Variants in TMEM132C observed in about 807,000 individuals in gnomAD.
TMEM132C encodes the protein transmembrane protein 132C.
TMEM132C carries 29 observed loss-of-function variants against 61.4 expected under a neutral mutation model. The observed-to-expected ratio is 0.47, with a 90% CI of 0.35 to 0.64. The LOEUF is 0.64. TMEM132C is among the 30% of genes least tolerant of loss of function. The pLI, the probability that TMEM132C is intolerant of heterozygous loss-of-function variation, is 0.00. For synonymous variants in TMEM132C, 656 were observed against 633.1 expected (o/e 1.04, Z -0.54); for missense variants, 1,408 against 1,476.9 (o/e 0.95, Z 0.76).
chr12:128,589,729 G>A (rs902194693), intron 3 of TMEM132C, among the ~76,000 whole-genome samples: 1 of 152,038 alleles, frequency 6.6e-6, no homozygotes, highest in Admixed American at 6.5e-5. Flanking sequence ...CCTGAAAGAG[G>A]CTGGATTGGA....
At chr12:128,670,315 T>C (rs1954519451) in intron 5 of TMEM132C, among the ~76,000 whole-genome samples, 1 of 151,932 alleles carries the variant, frequency 6.6e-6, no homozygotes, top group Non-Finnish European at 1.5e-5. Context: ...TCTCAAATAA[T>C]ATATATATAT....
intron 2 of TMEM132C, among the ~76,000 whole-genome samples, chr12:128,501,375 C>T (rs771464124): frequency 6.6e-6 from 1 of 152,210 alleles, no homozygotes; most frequent in Non-Finnish European, 1.5e-5. Context: ...CTTTCTTTCT[C>T]TTCTGCCATC....
At chr12:128,593,205 TTTTC>T (rs994014087) in intron 3 of TMEM132C, among the ~76,000 whole-genome samples, 11 of 148,862 alleles carry the variant, frequency 7.4e-5, no homozygotes, top group Non-Finnish European at 1.0e-4. Flanking sequence ...TCCTTCTTTC[TTTTC>T]TTTCTTTCTT....
At chr12:128,412,255 A>G (rs1868584099) in intron 1 of TMEM132C, among the ~76,000 whole-genome samples, 2 of 152,102 alleles carry the variant, frequency 1.3e-5, no homozygotes, top group South Asian at 2.1e-4. Flanking sequence ...CATGATTCCA[A>G]AGGTCAGAAC....
chr12:128,522,396 C>T (rs1017880015), intron 2 of TMEM132C, among the ~76,000 whole-genome samples: 2 of 152,192 alleles, frequency 1.3e-5, no homozygotes, highest in African/African-American at 4.8e-5. Flanking sequence ...ATTGCTAGCC[C>T]GGCACTCTGC....
intron 1 of TMEM132C, among the ~76,000 whole-genome samples, chr12:128,324,890 G>A (rs1411552769): frequency 6.6e-6 from 1 of 152,126 alleles, no homozygotes; most frequent in Non-Finnish European, 1.5e-5. Context: ...CTTCAAGAAC[G>A]AGACATTAGT....
intron 3 of TMEM132C, among the ~76,000 whole-genome samples, chr12:128,580,793 C>T (rs1317019883): frequency 2.0e-5 from 3 of 152,178 alleles, no homozygotes; most frequent in African/African-American, 7.2e-5. Flanking sequence ...AGTGATATGA[C>T]TTACCCCACC....
chr12:128,634,791 T>C (rs1223087709), intron 4 of TMEM132C, among the ~76,000 whole-genome samples: 2 of 152,238 alleles, frequency 1.3e-5, no homozygotes, highest in East Asian at 3.8e-4. Flanking sequence ...TTTTAGGTTT[T>C]AGCACCAAAC....
chr12:128,368,392 C>T (rs1593027536), intron 1 of TMEM132C, among the ~76,000 whole-genome samples: 1 of 152,198 alleles, frequency 6.6e-6, no homozygotes, highest in East Asian at 1.9e-4. Context: ...CCGAAAAGGT[C>T]CAGTCAATCT....
chr12:128,455,410 G>A (rs924834492), intron 2 of TMEM132C, among the ~76,000 whole-genome samples: 1 of 152,228 alleles, frequency 6.6e-6, no homozygotes, highest in Non-Finnish European at 1.5e-5. Context: ...CTCAGGTTCA[G>A]GAGGGGAATA....
chr12:128,537,986 C>T (rs1873594690), intron 2 of TMEM132C, among the ~76,000 whole-genome samples: 1 of 152,072 alleles, frequency 6.6e-6, no homozygotes, highest in South Asian at 2.1e-4. Context: ...ACTCTGTTGC[C>T]CAGGCTGGAG....
rs1319858852 is a variant in TMEM132C at position 128,622,361 on chromosome 12, ATATATAT to A, written c.1305+6027_1305+6033del. On this transcript the variant is annotated intron_variant, in intron 4 of 8. Coordinates refer to ENST00000435159, the MANE Select transcript of TMEM132C (RefSeq NM_001136103.3). ...TTTGTCTCAAAAAAAAAAAAAAAAA[ATATATAT>A]ATATATATATATATATATATATATA... 6.6e-3 allele frequency among the ~76,000 whole-genome samples: 252 copies of A among 38,162 alleles called. 9 individuals are homozygous for A. Among genetic ancestry groups the A allele is most frequent in the African/African-American group, 0.019 (186 of 9,902 alleles). 25.0% of individuals were successfully genotyped at this position (38,162 alleles called of 152,430 possible).
In TMEM132C at chr12:128,620,620, A is replaced by G. The variant is rs555771439; in HGVS notation, c.1305+4285A>G. On this transcript the variant is annotated intron_variant, in intron 4 of 8. Coordinates refer to ENST00000435159, the MANE Select transcript of TMEM132C (RefSeq NM_001136103.3). ...CAGTAACCACTAATTTTGGCGGTGT[A>G]GGAAGAAGTTCTTTGCCCCCGGGAC... Among the ~76,000 whole-genome samples, 17 of 152,356 alleles carry G rather than the reference A, an allele frequency of 1.1e-4. No individual in the cohort carries two copies. The South Asian group carries it at 3.3e-3, about 30-fold the overall frequency.
rs535451740 is a variant in TMEM132C at position 128,279,144 on chromosome 12, A to C, written c.85+11657A>C. On this transcript the variant is annotated intron_variant, in intron 1 of 8. Transcript: ENST00000435159. ...GGAAGATCTAGTCCCAGGCAAAGGG[A>C]ATTTTGTTTTCTCTCTCACATATCT... Among the ~76,000 whole-genome samples, 12 of 152,066 alleles carry C rather than the reference A, an allele frequency of 7.9e-5. 1 individual carries two copies. In the South Asian group the frequency reaches 2.3e-3, roughly 29 times the overall value.
chr12:128,600,592 C>A (rs1043945462), intron 3 of TMEM132C, among the ~76,000 whole-genome samples: 4 of 152,188 alleles, frequency 2.6e-5, no homozygotes. Flanking sequence ...CTGGGCACCA[C>A]AGGGGGCATG....
chr12:128,693,279 G>A (rs182176382), intron 5 of TMEM132C, among the ~76,000 whole-genome samples: 365 of 152,310 alleles, frequency 2.4e-3, no homozygotes, highest in Admixed American at 3.3e-3. Context: ...GGTTGTGGGT[G>A]CAGCTTACTT....
intron 1 of TMEM132C, among the ~76,000 whole-genome samples, chr12:128,349,601 C>G (rs1330244542): frequency 1.3e-5 from 2 of 152,144 alleles, no homozygotes; most frequent in African/African-American, 2.4e-5. Flanking sequence ...TGTCAAATTG[C>G]CCCCAAATTT....
intron 3 of TMEM132C, among the ~76,000 whole-genome samples, chr12:128,564,147 A>G (rs1184888071): frequency 2.0e-5 from 3 of 152,254 alleles, no homozygotes; most frequent in African/African-American, 7.2e-5. Context: ...CGGGCTCTTT[A>G]TCTCCTCATA....
intron 3 of TMEM132C, among the ~76,000 whole-genome samples, chr12:128,565,436 G>A (rs1378788642): frequency 6.6e-6 from 1 of 152,242 alleles, no homozygotes; most frequent in Non-Finnish European, 1.5e-5. Flanking sequence ...AACTTTCGCA[G>A]CAATGCATAA....
Sources: allele counts gnomAD v4.1 joint callset (sites outside exome capture counted in the v4.1 genomes callset), GRCh38; gene constraint gnomAD v4.1.1; transcripts MANE v1.5; gene names NCBI Gene and HGNC (gene_info 2026-07-23, HGNC 2026-07-21).